The following CAPZB variants were observed in gnomAD, a reference collection of about 807,000 sequenced individuals.
The protein encoded by CAPZB is capping actin protein of muscle Z-line subunit beta, also known as F-actin-capping protein subunit beta.
A neutral mutation model predicts 38.1 loss-of-function variants in CAPZB; 2 were observed. The observed-to-expected ratio is 0.05, with a 90% CI of 0.02 to 0.17. The LOEUF (loss-of-function observed/expected upper bound fraction) is 0.17, where lower values mean the gene tolerates loss of function less well. Among genes scored for constraint, CAPZB ranks in the 10% least tolerant of loss-of-function variants. The pLI, the probability that CAPZB is intolerant of heterozygous loss-of-function variation, is 1.00. For synonymous variants in CAPZB, 107 were observed against 127.4 expected, an observed-to-expected ratio of 0.84 and a Z score of 1.08; for missense variants, 161 against 334.2, an observed-to-expected ratio of 0.48 and a Z score of 4.04.
At position 19,416,860 on chromosome 1, in the gene CAPZB, CAAAAAAAAAAAA is replaced by C. The variant is rs59789230; in HGVS notation, c.93+2789_93+2800del. Among the ~76,000 whole-genome samples, 38 of 69,436 alleles carry C rather than the reference CAAAAAAAAAAAA, an allele frequency of 5.5e-4. 2 individuals carry two copies. Among genetic ancestry groups the C allele is most frequent in the African/African-American group, 1.9e-3 (32 of 16,808 alleles). 45.6% of individuals were successfully genotyped at this position (69,436 alleles called of 152,430 possible). A position where few individuals can be genotyped will look rare whatever the true frequency, so the allele number is the denominator to read the frequency against. ...TGGGTGACAGAGCAAGACCCTGTCT[CAAAAAAAAAAAA>C]AAAAAAAAAAAAAAAAGTATGCTCT... is the stretch of plus-strand genomic sequence containing the variant. On this transcript the variant is annotated intron_variant, in intron 2 of 8. Transcript: ENST00000264202.
intron 1 of CAPZB, among the ~76,000 whole-genome samples, chr1:19,462,640 A>T (rs927398534): frequency 6.6e-6 from 1 of 152,186 alleles, no homozygotes; most frequent in Non-Finnish European, 1.5e-5. Context: ...ATAACCACAT[A>T]TGAAACAACA....
intron 2 of CAPZB, among the ~76,000 whole-genome samples, chr1:19,399,398 C>G (rs2094290961): frequency 6.6e-6 from 1 of 152,142 alleles, no homozygotes; most frequent in Non-Finnish European, 1.5e-5. Context: ...AAAAGTGACC[C>G]TGGGTGTCAG....
chr1:19,358,735 A>ATC (rs1415379666), intron 4 of CAPZB, among the ~76,000 whole-genome samples: 2 of 152,252 alleles, frequency 1.3e-5, no homozygotes, highest in Non-Finnish European at 2.9e-5. Flanking sequence ...GAGAAATCTC[A>ATC]TCTCTCGTGG....
chr1:19,380,414 T>C (rs1157158571), intron 3 of CAPZB, among the ~76,000 whole-genome samples: 1 of 152,220 alleles, frequency 6.6e-6, no homozygotes, highest in Admixed American at 6.5e-5. Context: ...GCTTTCATGG[T>C]CACACTGGGC....
At chr1:19,430,388 A>G (rs1360673724) in intron 1 of CAPZB, among the ~76,000 whole-genome samples, 5 of 152,176 alleles carry the variant, frequency 3.3e-5, no homozygotes, top group Admixed American at 6.5e-5. Flanking sequence ...CTTCCACTGT[A>G]GTTTTTTTGG....
chr1:19,415,492 T>C (rs1458133233), intron 2 of CAPZB, among the ~76,000 whole-genome samples: 1 of 152,200 alleles, frequency 6.6e-6, no homozygotes, highest in Admixed American at 6.5e-5. Flanking sequence ...AATAAAAGCA[T>C]TTCGTAAGTT....
At chr1:19,419,250 C>T (rs755616421) in intron 2 of CAPZB, among the ~76,000 whole-genome samples, 5 of 152,218 alleles carry the variant, frequency 3.3e-5, no homozygotes, top group Non-Finnish European at 7.3e-5. Context: ...AAGCATCTTA[C>T]AGGTAGACGC....
chr1:19,459,556 G>A (rs1290053072), intron 1 of CAPZB, among the ~76,000 whole-genome samples: 1 of 152,070 alleles, frequency 6.6e-6, no homozygotes, highest in African/African-American at 2.4e-5. Context: ...CCAAAAAACG[G>A]GATAGGGGCT....
chr1:19,431,260 C>T (rs1046174347), intron 1 of CAPZB, among the ~76,000 whole-genome samples: 4 of 152,302 alleles, frequency 2.6e-5, no homozygotes, highest in African/African-American at 9.6e-5. Flanking sequence ...ATCAGACTTT[C>T]GGATTAGGAA....
chr1:19,370,742 C>A (rs940345186), intron 4 of CAPZB, among the ~76,000 whole-genome samples: 2 of 151,990 alleles, frequency 1.3e-5, no homozygotes, highest in African/African-American at 4.8e-5. Context: ...AGCATGCCTC[C>A]GAGGGACAGC....
Position 19,476,204 on chromosome 1 carries a change from ATAGATAGATAGATAGATAGATAG to A in CAPZB, c.3+9209_3+9231del, listed in dbSNP as rs1241760785. Among the ~76,000 whole-genome samples, 119 of 137,250 alleles carry A rather than the reference ATAGATAGATAGATAGATAGATAG, an allele frequency of 8.7e-4. 1 individual carries two copies. Among genetic ancestry groups the A allele is most frequent in the Admixed American group, 2.3e-3 (33 of 14,644 alleles). 90.0% of individuals were successfully genotyped at this position (137,250 alleles called of 152,430 possible). ...GATAGATAGATAGATAGATAGATAG[ATAGATAGATAGATAGATAGATAG>A]GCAGGCAGGCAGGCACTGTGGCACA... On this transcript the variant is annotated intron_variant, in intron 1 of 8. Coordinates refer to ENST00000264202, the MANE Select transcript of CAPZB (RefSeq NM_004930.5).
chr1:19,456,818 G>T (rs923863356), intron 1 of CAPZB, among the ~76,000 whole-genome samples: 1 of 152,232 alleles, frequency 6.6e-6, no homozygotes, highest in Admixed American at 6.5e-5. Context: ...GAGAAGGGAA[G>T]ATGATGCTTA....
chr1:19,365,831 T>A lies in CAPZB; in HGVS notation c.330-8268A>T, dbSNP rs1046968279. Among the ~76,000 whole-genome samples the A allele has an allele frequency of 1.9e-3, 279 of 144,708 alleles. 1 individual carries two copies. Among genetic ancestry groups the A allele is most frequent in the African/African-American group, 7.4e-3 (265 of 35,890 alleles). The allele number at this position is 144,708 out of a possible 152,430, so 94.9% of individuals were successfully genotyped here. A position where few individuals can be genotyped will look rare whatever the true frequency, so the allele number is the denominator to read the frequency against. On this transcript the variant is annotated intron_variant, in intron 4 of 8. Transcript: ENST00000264202. Reference sequence around the variant, plus strand: ...CCTGAGTAACAAGAGTGAAACTCCGTCTCAAAAAGAAAAAAAGAAAAAGAA... The same window carrying A: ...CCTGAGTAACAAGAGTGAAACTCCGACTCAAAAAGAAAAAAAGAAAAAGAA...
intron 1 of CAPZB, among the ~76,000 whole-genome samples, chr1:19,467,587 A>G (rs2094573075): frequency 6.6e-6 from 1 of 152,186 alleles, no homozygotes; most frequent in Non-Finnish European, 1.5e-5. Flanking sequence ...CCGCCCTGAG[A>G]CTACTATCAG....
At chr1:19,434,282 T>C (rs1486364610) in intron 1 of CAPZB, among the ~76,000 whole-genome samples, 1 of 152,182 alleles carries the variant, frequency 6.6e-6, no homozygotes, top group East Asian at 1.9e-4. Flanking sequence ...CCTTCACCTC[T>C]CTGAGCCTCG....
chr1:19,412,559 A>G (rs1158171775), intron 2 of CAPZB, among the ~76,000 whole-genome samples: 3 of 152,212 alleles, frequency 2.0e-5, no homozygotes, highest in Non-Finnish European at 4.4e-5. Context: ...TTGTAACTTC[A>G]GATGAATGCC....
intron 2 of CAPZB, among the ~76,000 whole-genome samples, chr1:19,401,143 C>G (rs750790023): frequency 1.3e-5 from 2 of 151,190 alleles, no homozygotes; most frequent in Non-Finnish European, 2.9e-5. Flanking sequence ...GACCAGAGAG[C>G]ATTTTCACAA....
intron 1 of CAPZB, among the ~76,000 whole-genome samples, chr1:19,471,865 CAAAAAAAAAAAAAAAAAAAAAAAAA>C (rs59289947): frequency 1.5e-5 from 2 of 134,420 alleles, no homozygotes; most frequent in African/African-American, 3.0e-5. Context: ...GACTCCGTCT[CAAAAAAAAAAAAAAAAAAAAAAAAA>C]AAAAAAAAAA....
At chr1:19,354,179 C>T (rs1306582071) in intron 6 of CAPZB, among the ~76,000 whole-genome samples, 1 of 152,134 alleles carries the variant, frequency 6.6e-6, no homozygotes, top group East Asian at 1.9e-4. Context: ...CTTCAGTTTC[C>T]TCACCTGTTA....
Sources: gnomAD v4.1 joint callset for allele counts (sites outside exome capture counted in the v4.1 genomes callset) on GRCh38, gnomAD v4.1.1 for gene constraint, MANE v1.5 for transcripts, NCBI Gene and HGNC (gene_info 2026-07-23, HGNC 2026-07-21) for gene names.